The following INPP5D variants were observed in gnomAD, a reference collection of about 807,000 sequenced individuals.
INPP5D encodes the protein phosphatidylinositol 3,4,5-trisphosphate 5-phosphatase 1.
In INPP5D, 33 loss-of-function variants were observed where a neutral mutation model predicts 122.9. That is an observed-to-expected ratio of 0.27 (90% CI 0.20 to 0.36). The LOEUF is 0.36. Ranked by LOEUF, INPP5D falls within the 10% of genes least tolerant of loss-of-function variation. INPP5D has a pLI of 1.00. For synonymous variants in INPP5D, 584 were observed against 576.2 expected, an observed-to-expected ratio of 1.01 and a Z score of -0.19; for missense variants, 1,053 against 1,412.7, an observed-to-expected ratio of 0.75 and a Z score of 4.08.
rs2106295243 is a variant in INPP5D at position 233,163,731 on chromosome 2, T to C, written c.1265T>C (p.Ile422Thr). Residue 422 changes from isoleucine (I) to threonine (T), a missense_variant, in exon 12 of 27, where the codon ATC becomes ACC. Around this residue, in one of 6 missense-constraint regions of INPP5D, gnomAD observed 105 missense variants for 199.8 expected, o/e 0.53. Transcript: ENST00000445964. ...NMGNAPPPKK[I>T]TSWFLSKGQG... The stretch of plus-strand genomic sequence containing the variant: ...GGTAACGCCCCCCCTCCCAAGAAGA[T>C]CACGTCCTGGTTTCTCTCCAAGGGG... 6.2e-7 allele frequency: 1 copy of C among 1,613,860 alleles called. No homozygotes were observed. The highest frequency in any genetic ancestry group is 8.5e-7 in the Non-Finnish European group (1 of 1,179,860).
rs2106319481 is a variant in INPP5D, at chr2:233,189,265, A to G, written c.2359-585A>G. Among the ~76,000 whole-genome samples, 1 of 152,320 alleles carries G rather than the reference A, an allele frequency of 6.6e-6. No homozygotes were observed. The highest frequency in any genetic ancestry group is 2.1e-4 in the South Asian group (1 of 4,828). On this transcript the variant is annotated intron_variant, in intron 21 of 26. Coordinates refer to ENST00000445964, the MANE Select transcript of INPP5D (RefSeq NM_001017915.3). This position sits in a 1 kb window ranked among gnomAD's most constrained non-coding sequence, Gnocchi z 5.6. ...GGGAGCCTGTGTCTGTCATTCGCTG[A>G]GCCACACCCCCAACAATCGGTAGGA...
At chr2:233,172,674 G>A (rs578155318) in intron 17 of INPP5D, among the ~76,000 whole-genome samples, 7 of 152,150 alleles carry the variant, frequency 4.6e-5, no homozygotes, top group African/African-American at 1.2e-4. Flanking sequence ...TGAAAATAGC[G>A]ATGCGTCGCT....
At chr2:233,088,431 G>A (rs1490515963) in intron 2 of INPP5D, among the ~76,000 whole-genome samples, 1 of 152,172 alleles carries the variant, frequency 6.6e-6, no homozygotes, top group Admixed American at 6.5e-5. Context: ...GATGCTTCCC[G>A]AGATGTCCCG....
intron 17 of INPP5D, among the ~76,000 whole-genome samples, chr2:233,176,303 A>C (rs1037709409): frequency 7.0e-5 from 6 of 85,158 alleles, no homozygotes; most frequent in African/African-American, 2.5e-4. Flanking sequence ...TCAATGGATG[A>C]GTGGATGGGT....
chr2:233,169,171 C>A, intron 13 of INPP5D, 134 bp from the exon 14 acceptor site: 2 of 1,352,660 alleles, frequency 1.5e-6, no homozygotes, highest in Non-Finnish European at 2.0e-6. Flanking sequence ...TCCCACCCTG[C>A]ACGACCCTGT....
At position 233,123,408 on chromosome 2, in the gene INPP5D, C is replaced by T. The variant is rs1375596334; in HGVS notation, c.349+1151C>T. On this transcript the variant is annotated intron_variant, in intron 3 of 26. Transcript: ENST00000445964. Reference sequence around the variant, plus strand: ...GGTGGAGGTTGCAGTGAGCCAAGATCGCACCACTGAACTCCAGCCTGGCAA... The same window carrying T: ...GGTGGAGGTTGCAGTGAGCCAAGATTGCACCACTGAACTCCAGCCTGGCAA... 3.3e-5 allele frequency among the ~76,000 whole-genome samples: 5 copies of T among 150,372 alleles called. No individual in the cohort carries two copies. In the Middle Eastern group the frequency reaches 0.01, roughly 315 times the overall value.
chr2:233,084,640 C>G (rs1341265221), intron 2 of INPP5D, among the ~76,000 whole-genome samples: 1 of 152,250 alleles, frequency 6.6e-6, no homozygotes, highest in Non-Finnish European at 1.5e-5. Context: ...TGTTATTAAG[C>G]TCAGGAAGCG....
chr2:233,201,611 A>G (rs1004179238), intron 25 of INPP5D, among the ~76,000 whole-genome samples: 1 of 152,166 alleles, frequency 6.6e-6, no homozygotes, highest in Non-Finnish European at 1.5e-5. Context: ...CCCCACCATC[A>G]CCCAGACCCA....
intron 2 of INPP5D, among the ~76,000 whole-genome samples, chr2:233,121,257 A>G (rs1692966584): frequency 6.7e-6 from 1 of 149,076 alleles, no homozygotes; most frequent in Non-Finnish European, 1.5e-5. Context: ...TCGCCCTCCC[A>G]AGTAGCTGAA....
intron 25 of INPP5D, among the ~76,000 whole-genome samples, chr2:233,199,065 C>T (rs1023614365): frequency 3.3e-5 from 5 of 152,012 alleles, no homozygotes; most frequent in East Asian, 1.9e-4. Context: ...GCCTGGCCAA[C>T]GTGGTGAAAC....
At chr2:233,158,765 G>GGATT (rs36132583) in intron 10 of INPP5D, among the ~76,000 whole-genome samples, 15 of 151,034 alleles carry the variant, frequency 9.9e-5, no homozygotes, top group Non-Finnish European at 1.6e-4. Context: ...GGACACTCCT[G>GGATT]GATTGATTGA....
chr2:233,102,092 A>G (rs1382431178), intron 2 of INPP5D, among the ~76,000 whole-genome samples: 2 of 152,148 alleles, frequency 1.3e-5, no homozygotes, highest in African/African-American at 4.8e-5. Flanking sequence ...ATTCACGGCC[A>G]AGGAAACTGG....
intron 2 of INPP5D, among the ~76,000 whole-genome samples, chr2:233,116,605 T>C (rs1355738112): frequency 7.4e-6 from 1 of 135,204 alleles, no homozygotes; most frequent in Admixed American, 7.5e-5. Flanking sequence ...CATAATTTTT[T>C]TTTTTCTTTG....
intron 1 of INPP5D, among the ~76,000 whole-genome samples, chr2:233,070,319 C>T (rs1466275993): frequency 1.3e-5 from 2 of 151,852 alleles, no homozygotes; most frequent in African/African-American, 2.4e-5. Flanking sequence ...CTTTTTTCTC[C>T]CTTCGCTTTT....
At position 233,125,791 on chromosome 2, in the gene INPP5D, G is replaced by A. The variant is rs745814808; in HGVS notation, c.396G>A (p.Pro132=). The change falls in exon 4 of 27, where the codon CCG becomes CCA. Residue 132 remains proline, a synonymous_variant. Coordinates refer to ENST00000445964, the MANE Select transcript of INPP5D (RefSeq NM_001017915.3). ...CCGAGCTGCCCCCAAGAAACATCCC[G>A]CTGACTGCCAGCTCCTGTGAGGCCA... is the stretch of plus-strand genomic sequence containing the variant. ...SPPELPPRNI[P]LTASSCEAKE... 38 of 1,613,698 alleles carry A rather than the reference G, an allele frequency of 2.4e-5. No homozygotes were observed. Among genetic ancestry groups the A allele is most frequent in the South Asian group, 1.1e-4 (10 of 91,058 alleles).
At chr2:233,061,105 AG>A (rs1393031961) in intron 1 of INPP5D, among the ~76,000 whole-genome samples, 1 of 152,166 alleles carries the variant, frequency 6.6e-6, no homozygotes, top group African/African-American at 2.4e-5. Flanking sequence ...TAATCAAGAA[AG>A]GACTTTCCAT....
chr2:233,165,846 GTGTT>G (rs1481644460), intron 13 of INPP5D, among the ~76,000 whole-genome samples: 2 of 94,846 alleles, frequency 2.1e-5, no homozygotes, highest in African/African-American at 3.4e-5. Context: ...GCCTCTCTGT[GTGTT>G]TGTGTGTGTG....
intron 26 of INPP5D, among the ~76,000 whole-genome samples, chr2:233,205,891 C>T (rs1029092944): frequency 6.7e-6 from 1 of 149,852 alleles, no homozygotes; most frequent in Non-Finnish European, 1.5e-5. Context: ...CCAGCCTAAC[C>T]AATATGGTGA....
intron 1 of INPP5D, among the ~76,000 whole-genome samples, chr2:233,066,478 T>C (rs1013040808): frequency 6.6e-6 from 1 of 152,244 alleles, no homozygotes; most frequent in Admixed American, 6.5e-5. Flanking sequence ...ATGCTAACCT[T>C]CCTGTGTCAA....
Sources: allele counts gnomAD v4.1 joint callset (sites outside exome capture counted in the v4.1 genomes callset), GRCh38; gene constraint gnomAD v4.1.1; regional missense constraint gnomAD v4.1.1; non-coding constraint Gnocchi (gnomAD v3.1); transcripts MANE v1.5; gene names NCBI Gene and HGNC (gene_info 2026-07-23, HGNC 2026-07-21).